LRCH1: variants seen among roughly 807,000 people sequenced by gnomAD.
The protein encoded by LRCH1 is leucine-rich repeat and calponin homology domain-containing protein 1.
LRCH1 carries 23 observed loss-of-function variants against 94.9 expected under a neutral mutation model. That is an observed-to-expected ratio of 0.24 (90% confidence interval 0.17 to 0.34). LRCH1 has a LOEUF of 0.34. Among genes scored for constraint, LRCH1 ranks in the 10% least tolerant of loss-of-function variants. The probability of loss-of-function intolerance (pLI) is 1.00; values close to 1 mark genes in which losing one functional copy is unlikely to be tolerated. For missense variants in LRCH1, 790 were observed against 945.9 expected (o/e 0.84, Z 2.16); for synonymous variants, 364 against 354.9 (o/e 1.03, Z -0.29).
chr13:46,692,560 C>G lies in LRCH1; in HGVS notation c.1039C>G (p.Leu347Val), dbSNP rs1466564285. Residue 347 changes from leucine (L) to valine (V), a missense_variant, in exon 8 of 20, where the codon CTC becomes GTC. Physicochemically the swap from Leu to Val is conservative, Grantham distance 32. This residue lies in a region of LRCH1 where 194 missense variants were observed against 293.5 expected (regional missense o/e 0.66). Transcript: ENST00000389797. Reference protein sequence around the residue: ...TEPSDEDTVSLNVPMSNIMEE... With the variant: ...TEPSDEDTVSVNVPMSNIMEE... ...GCCTTCTGACGAAGACACTGTTAGCCTCAATGTGCCAATGTCAAACATCAT... is the reference window on the plus strand; with the variant it reads ...GCCTTCTGACGAAGACACTGTTAGCGTCAATGTGCCAATGTCAAACATCAT... 1 of 1,613,982 alleles carries G rather than the reference C, an allele frequency of 6.2e-7. No individual in the cohort carries two copies. The highest frequency in any genetic ancestry group is 1.3e-5 in the African/African-American group (1 of 75,052).
intron 1 of LRCH1, among the ~76,000 whole-genome samples, chr13:46,555,253 A>G (rs937197699): frequency 6.6e-6 from 1 of 152,224 alleles, no homozygotes; most frequent in Non-Finnish European, 1.5e-5. Flanking sequence ...TTAAAAAACT[A>G]CATTAAATTT....
At chr13:46,600,632 C>CACAG (rs768802759) in intron 1 of LRCH1, among the ~76,000 whole-genome samples, 2 of 129,194 alleles carry the variant, frequency 1.5e-5, no homozygotes, top group East Asian at 4.3e-4. Flanking sequence ...CACACACACA[C>CACAG]ACACACACAC....
chr13:46,735,658 C>T (rs1224964309), intron 19 of LRCH1, among the ~76,000 whole-genome samples: 2 of 152,084 alleles, frequency 1.3e-5, no homozygotes, highest in Non-Finnish European at 1.5e-5. Context: ...TTATAATTCC[C>T]GAGAAGGTTC....
chr13:46,738,433 A>G (rs1358402708), intron 19 of LRCH1, among the ~76,000 whole-genome samples: 1 of 152,244 alleles, frequency 6.6e-6, no homozygotes, highest in East Asian at 1.9e-4. Context: ...TAAAGGTTTT[A>G]TATATGAAAG....
At chr13:46,714,639 G>A (rs1052886793) in intron 15 of LRCH1, among the ~76,000 whole-genome samples, 2 of 152,044 alleles carry the variant, frequency 1.3e-5, no homozygotes, top group Middle Eastern at 3.4e-3. Context: ...TTTTCCTCCC[G>A]AACAAAGACA....
In LRCH1 at chr13:46,678,332, AT is replaced by A. The variant is rs373985997; in HGVS notation, c.580-3404del. Among the ~76,000 whole-genome samples the A allele has an allele frequency of 7.2e-4, 110 of 152,234 alleles. 1 individual carries two copies. The East Asian group carries it at 0.019, about 26-fold the overall frequency. On this transcript the variant is annotated intron_variant, in intron 3 of 19. Coordinates refer to ENST00000389797, the MANE Select transcript of LRCH1 (RefSeq NM_001164211.2). ...TTCAGATAGTGACCCATGGGGTTTT[AT>A]TTTTGTGATGAATTTATAACCTTTT...
At chr13:46,554,373 C>A (rs1039027072) in intron 1 of LRCH1, among the ~76,000 whole-genome samples, 11 of 152,258 alleles carry the variant, frequency 7.2e-5, no homozygotes, top group African/African-American at 2.7e-4. Flanking sequence ...TCGGCTGCCG[C>A]TTCGGAAGCG....
At chr13:46,703,772 T>G (rs186167905) in intron 11 of LRCH1, among the ~76,000 whole-genome samples, 1 of 152,116 alleles carries the variant, frequency 6.6e-6, no homozygotes, top group Non-Finnish European at 1.5e-5. Flanking sequence ...TTTTAAAGTA[T>G]GTAAAAACGC....
At chr13:46,578,391 G>C (rs923067107) in intron 1 of LRCH1, among the ~76,000 whole-genome samples, 1 of 152,156 alleles carries the variant, frequency 6.6e-6, no homozygotes, top group African/African-American at 2.4e-5. Context: ...TTAGTGCATC[G>C]CAGAAGCAAA....
chr13:46,727,973 A>C (rs1402900413), intron 17 of LRCH1, among the ~76,000 whole-genome samples: 1 of 150,748 alleles, frequency 6.6e-6, no homozygotes, highest in Non-Finnish European at 1.5e-5. Context: ...TTGGAGTGCA[A>C]TGGCATGATC....
chr13:46,682,016 G>A (rs1870338700), intron 4 of LRCH1, among the ~76,000 whole-genome samples, 170 bp downstream of exon 4: 1 of 150,106 alleles, frequency 6.7e-6, no homozygotes, highest in Non-Finnish European at 1.5e-5. Context: ...ACAAAAAAGT[G>A]ATGTTCAGGC....
At chr13:46,570,808 T>C (rs1396422822) in intron 1 of LRCH1, among the ~76,000 whole-genome samples, 3 of 152,216 alleles carry the variant, frequency 2.0e-5, no homozygotes, top group African/African-American at 7.2e-5. Context: ...GAATTTCTTA[T>C]CTTTTGAGAG....
At chr13:46,738,825 A>G (rs961347145) in intron 19 of LRCH1, among the ~76,000 whole-genome samples, 2 of 152,230 alleles carry the variant, frequency 1.3e-5, no homozygotes, top group African/African-American at 4.8e-5. Context: ...TTTTCTAGCT[A>G]TAAAGAATGC....
intron 16 of LRCH1, among the ~76,000 whole-genome samples, chr13:46,717,864 C>T (rs1314506629): frequency 1.3e-5 from 2 of 152,058 alleles, no homozygotes. Context: ...TTCTCTAAAA[C>T]TTATTCTTCA....
intron 14 of LRCH1, 37 bp from the exon 15 acceptor site, chr13:46,712,487 TA>T (rs1227273585): frequency 1.6e-5 from 24 of 1,494,244 alleles, no homozygotes; most frequent in Non-Finnish European, 2.2e-5. Context: ...GTTTTCCTTT[TA>T]TTTTTTTCCT....
intron 1 of LRCH1, among the ~76,000 whole-genome samples, chr13:46,558,873 T>C (rs2050099259): frequency 6.6e-6 from 1 of 152,224 alleles, no homozygotes; most frequent in South Asian, 2.1e-4. Flanking sequence ...TACAGGGCTC[T>C]TATGACCCTT....
chr13:46,587,621 C>T (rs765298939), intron 1 of LRCH1, among the ~76,000 whole-genome samples: 6 of 152,152 alleles, frequency 3.9e-5, no homozygotes, highest in Non-Finnish European at 5.9e-5. Flanking sequence ...TTTTAACGGT[C>T]ATGGTTAGTT....
intron 17 of LRCH1, among the ~76,000 whole-genome samples, chr13:46,725,297 A>G (rs1872758289): frequency 6.6e-6 from 1 of 152,240 alleles, no homozygotes; most frequent in African/African-American, 2.4e-5. Context: ...AAACCTCAGT[A>G]TCACACAACA....
intron 1 of LRCH1, among the ~76,000 whole-genome samples, chr13:46,641,644 G>A (rs150664140): frequency 3.6e-4 from 55 of 152,298 alleles, no homozygotes; most frequent in Non-Finnish European, 6.8e-4. Flanking sequence ...GTTCCCAGCT[G>A]TCCTGGTCTG....
Sources: allele counts gnomAD v4.1 joint callset (sites outside exome capture counted in the v4.1 genomes callset), GRCh38; gene constraint gnomAD v4.1.1; regional missense constraint gnomAD v4.1.1; transcripts MANE v1.5; gene names NCBI Gene and HGNC (gene_info 2026-07-23, HGNC 2026-07-21).